MACROD2: variants seen among roughly 807,000 people sequenced by gnomAD.
MACROD2 encodes the protein mono-ADP ribosylhydrolase 2, also known as ADP-ribose glycohydrolase MACROD2.
Under a neutral mutation model 70.4 loss-of-function variants are expected in MACROD2, and 36 were observed. The ratio of observed to expected loss-of-function variants is 0.51; its 90% CI spans 0.39 to 0.68. The LOEUF (loss-of-function observed/expected upper bound fraction) is 0.68. Ranked by LOEUF, MACROD2 falls within the 30% of genes least tolerant of loss-of-function variation. MACROD2 has a pLI of 0.00. For missense variants in MACROD2, 496 were observed against 538.4 expected (o/e 0.92, Z 0.78); for synonymous variants, 172 against 178.8 (o/e 0.96, Z 0.30).
At chr20:16,002,629 G>A (rs571038376) in intron 15 of MACROD2, among the ~76,000 whole-genome samples, 3 of 152,144 alleles carry the variant, frequency 2.0e-5, no homozygotes, top group Non-Finnish European at 2.9e-5. Context: ...TCTAGAAACC[G>A]TAGTAGGTAA....
At chr20:14,720,746 G>A (rs1170429446) in intron 5 of MACROD2, among the ~76,000 whole-genome samples, 1 of 151,052 alleles carries the variant, frequency 6.6e-6, no homozygotes, top group Non-Finnish European at 1.5e-5. Context: ...TAGAGACGGG[G>A]TTTCACCATG....
intron 5 of MACROD2, among the ~76,000 whole-genome samples, chr20:14,734,953 G>C (rs2071644578): frequency 6.6e-6 from 1 of 152,054 alleles, no homozygotes; most frequent in Non-Finnish European, 1.5e-5. Context: ...GGATGACATT[G>C]AGCCCTTACC....
intron 5 of MACROD2, among the ~76,000 whole-genome samples, chr20:14,863,426 G>A (rs576240841): frequency 2.4e-4 from 37 of 152,268 alleles, no homozygotes; most frequent in Middle Eastern, 6.8e-3. Context: ...TCTTACAGGT[G>A]TTGTGAACAC....
chr20:15,698,486 C>G (rs1040647767), intron 8 of MACROD2, among the ~76,000 whole-genome samples: 1 of 152,172 alleles, frequency 6.6e-6, no homozygotes, highest in Admixed American at 6.5e-5. Context: ...ACTGGTGCTG[C>G]TGTCTCACAG....
At chr20:15,021,310 A>G (rs1478326064) in intron 5 of MACROD2, among the ~76,000 whole-genome samples, 1 of 113,894 alleles carries the variant, frequency 8.8e-6, no homozygotes, top group Non-Finnish European at 1.9e-5. Flanking sequence ...GCACATATAC[A>G]TATACATATA....
chr20:15,731,942 G>A (rs2050949216), intron 8 of MACROD2, among the ~76,000 whole-genome samples: 1 of 58,642 alleles, frequency 1.7e-5, no homozygotes, highest in Non-Finnish European at 4.8e-5. Context: ...TTTTAGTAGA[G>A]ACGGGGTTTC....
chr20:14,760,037 G>A (rs2071993648), intron 5 of MACROD2, among the ~76,000 whole-genome samples: 1 of 152,084 alleles, frequency 6.6e-6, no homozygotes, highest in African/African-American at 2.4e-5. Flanking sequence ...GTGCTTACCT[G>A]GGCATTGGAC....
intron 7 of MACROD2, among the ~76,000 whole-genome samples, chr20:15,465,602 C>A (rs988877222): frequency 6.6e-6 from 1 of 152,256 alleles, no homozygotes; most frequent in Non-Finnish European, 1.5e-5. Context: ...TATCCATAGT[C>A]CACAATCGGG....
chr20:15,782,383 C>A (rs1421820189), intron 8 of MACROD2, among the ~76,000 whole-genome samples: 1 of 152,058 alleles, frequency 6.6e-6, no homozygotes, highest in Non-Finnish European at 1.5e-5. Flanking sequence ...TTCTAGTCTT[C>A]AGTTGCAAGT....
At chr20:16,049,056 A>C (rs1277176796) in intron 17 of MACROD2, among the ~76,000 whole-genome samples, 1 of 152,222 alleles carries the variant, frequency 6.6e-6, no homozygotes, top group East Asian at 1.9e-4. Context: ...AGACAGACAC[A>C]ATGAGGTACT....
rs138549891 is a variant in MACROD2 at position 14,215,432 on chromosome 20, C to T, written c.271+129704C>T. On this transcript the variant is annotated intron_variant, in intron 3 of 17. Transcript: ENST00000684519. Reference sequence around the variant, plus strand: ...TTGATGGGCATTTGATTTGGTTCCACGGTTTTGCAATTGCGAATTGTGCTG... The same window carrying T: ...TTGATGGGCATTTGATTTGGTTCCATGGTTTTGCAATTGCGAATTGTGCTG... Among the ~76,000 whole-genome samples, 13 of 151,144 alleles carry T rather than the reference C, an allele frequency of 8.6e-5. No individual in the cohort carries two copies. The East Asian group carries it at 9.8e-4, about 11-fold the overall frequency.
chr20:15,685,251 C>A (rs1974527143), intron 8 of MACROD2, among the ~76,000 whole-genome samples: 1 of 152,086 alleles, frequency 6.6e-6, no homozygotes. Context: ...ATACCACGAG[C>A]ATTTGAATTT....
intron 3 of MACROD2, among the ~76,000 whole-genome samples, chr20:14,347,014 A>G (rs1005644597): frequency 6.6e-6 from 1 of 152,232 alleles, no homozygotes; most frequent in African/African-American, 2.4e-5. Context: ...CAAAGAAATG[A>G]CAAAGAAACT....
chr20:15,100,747 G>T (rs1192422979), intron 5 of MACROD2, among the ~76,000 whole-genome samples: 1 of 152,122 alleles, frequency 6.6e-6, no homozygotes, highest in Non-Finnish European at 1.5e-5. Flanking sequence ...GCAGATCAGA[G>T]CTCTGTGAAA....
At chr20:14,321,275 G>A (rs188933097) in intron 3 of MACROD2, among the ~76,000 whole-genome samples, 2 of 152,128 alleles carry the variant, frequency 1.3e-5, no homozygotes, top group Admixed American at 1.3e-4. Flanking sequence ...TGAGGCAGGA[G>A]AATCGCTTGA....
chr20:14,773,823 A>T (rs750259899), intron 5 of MACROD2, among the ~76,000 whole-genome samples: 10 of 152,098 alleles, frequency 6.6e-5, no homozygotes, highest in Non-Finnish European at 1.3e-4. Flanking sequence ...ACAGAAAATC[A>T]TTCTCACCCA....
chr20:14,187,325 C>T (rs943994712), intron 3 of MACROD2, among the ~76,000 whole-genome samples: 5 of 151,888 alleles, frequency 3.3e-5, no homozygotes, highest in South Asian at 2.1e-4. Context: ...ACCACTGATA[C>T]GTGAGGATTT....
Position 15,748,966 on chromosome 20 carries a change from A to G in MACROD2, c.646-113779A>G, listed in dbSNP as rs73246225. Among the ~76,000 whole-genome samples, 1,335 of 152,224 alleles carry G rather than the reference A, an allele frequency of 8.8e-3. 25 individuals carry two copies. The highest frequency in any genetic ancestry group is 0.031 in the African/African-American group (1,282 of 41,544). The stretch of plus-strand genomic sequence containing the variant: ...CATTCAAACCTTGGTTTACTCATCT[A>G]TAATATAAGGAATATAGAATTAGTG... On this transcript the variant is annotated intron_variant, in intron 8 of 17. Transcript: ENST00000684519.
At chr20:15,750,080 A>C (rs1290980810) in intron 8 of MACROD2, among the ~76,000 whole-genome samples, 1 of 152,120 alleles carries the variant, frequency 6.6e-6, no homozygotes, top group Non-Finnish European at 1.5e-5. Context: ...AATGGGAAAT[A>C]AGATTTGTAA....
Sources: gnomAD v4.1 joint callset for allele counts (sites outside exome capture counted in the v4.1 genomes callset) on GRCh38, gnomAD v4.1.1 for gene constraint, MANE v1.5 for transcripts, NCBI Gene and HGNC (gene_info 2026-07-23, HGNC 2026-07-21) for gene names.